Variants in MET observed in about 807,000 individuals in gnomAD.
The protein encoded by MET is hepatocyte growth factor receptor.
In MET, 48 loss-of-function variants were observed where a neutral mutation model predicts 133.1. The ratio of observed to expected loss-of-function variants is 0.36; its 90% CI spans 0.29 to 0.46. MET has a LOEUF of 0.46. Among genes scored for constraint, MET ranks in the 20% least tolerant of loss-of-function variants. The pLI is 1.00. For synonymous variants in MET, 628 were observed against 616.5 expected (o/e 1.02, Z -0.28); for missense variants, 1,442 against 1,695.9 (o/e 0.85, Z 2.63).
Position 116,769,778 on chromosome 7 carries a change from A to G in MET, c.2717A>G (p.Glu906Gly), listed in dbSNP as rs2116984545. Residue 906 changes from glutamate to glycine, a missense_variant, in exon 12 of 21, where the codon GAG becomes GGG. Physicochemically the swap from Glu to Gly is moderately conservative, Grantham distance 98 (BLOSUM62 -2). Transcript: ENST00000397752. ...AATGACCTGCTGAAATTGAACAGCG[A>G]GCTAAATATAGAGGTGGGATTCCTG... ...VPNDLLKLNS[E>G]LNIEWKQAIS... is the part of the protein sequence containing the mutation. 1 of 1,613,850 alleles carries G rather than the reference A, an allele frequency of 6.2e-7. No individual in the cohort carries two copies. Among genetic ancestry groups the G allele is most frequent in the Non-Finnish European group, 8.5e-7 (1 of 1,179,812 alleles).
chr7:116,758,547 C>T lies in MET; in HGVS notation c.2191C>T (p.Arg731Ter), dbSNP rs377336878. 6 of 1,613,716 alleles carry T rather than the reference C, an allele frequency of 3.7e-6. No individual in the cohort carries two copies. The highest frequency in any genetic ancestry group is 4.2e-6 in the Non-Finnish European group (5 of 1,179,848). Residue 731 changes from arginine (R) to a stop codon, truncating the protein, a stop_gained, in exon 9 of 21, where the codon CGA becomes TGA. Transcript: ENST00000397752. LOFTEE classifies it high-confidence loss of function. ...AVKLKIDLAN[R>*]ETSIFSYRED... Reference sequence around the variant, plus strand: ...TAAATTGAAAATTGACTTAGCCAACCGAGAGACAAGCATCTTCAGTTACCG... The same window carrying T: ...TAAATTGAAAATTGACTTAGCCAACTGAGAGACAAGCATCTTCAGTTACCG...
At chr7:116,745,195 T>C (rs1793620313) in intron 5 of MET, among the ~76,000 whole-genome samples, 1 of 152,112 alleles carries the variant, frequency 6.6e-6, no homozygotes, top group South Asian at 2.1e-4. Flanking sequence ...TCAAAGAGAA[T>C]AAAATACCTA....
intron 19 of MET, among the ~76,000 whole-genome samples, chr7:116,791,838 T>C (rs967690264): frequency 1.3e-5 from 2 of 152,108 alleles, no homozygotes; most frequent in Non-Finnish European, 2.9e-5. Context: ...CTAATTTTTG[T>C]ATTTTTAGTA....
At chr7:116,726,643 T>A (rs1792799755) in intron 2 of MET, among the ~76,000 whole-genome samples, 1 of 151,962 alleles carries the variant, frequency 6.6e-6, no homozygotes, top group South Asian at 2.1e-4. Context: ...ACCCAAGAAA[T>A]GGGAGGGTCT....
At chr7:116,709,895 T>G (rs1303216504) in intron 2 of MET, among the ~76,000 whole-genome samples, 1 of 152,142 alleles carries the variant, frequency 6.6e-6, no homozygotes, top group African/African-American at 2.4e-5. Context: ...GAGGTCAAAT[T>G]AGGTGATCCT....
At chr7:116,751,062 C>G (rs1215621530) in intron 5 of MET, among the ~76,000 whole-genome samples, 1 of 152,070 alleles carries the variant, frequency 6.6e-6, no homozygotes, top group East Asian at 1.9e-4. Context: ...CCCAGCAATC[C>G]CATTACTGGG....
chr7:116,674,149 TC>T (rs1337720615), intron 1 of MET, among the ~76,000 whole-genome samples: 1 of 152,220 alleles, frequency 6.6e-6, no homozygotes, highest in Non-Finnish European at 1.5e-5. Flanking sequence ...TACTGCTTTT[TC>T]AAAATTGCTT....
intron 2 of MET, among the ~76,000 whole-genome samples, chr7:116,731,268 TATA>T (rs1792992643): frequency 6.6e-6 from 1 of 152,204 alleles, no homozygotes; most frequent in South Asian, 2.1e-4. Flanking sequence ...CATTTAAAAA[TATA>T]ATGTCAGAAC....
At chr7:116,726,843 C>T (rs1792811065) in intron 2 of MET, among the ~76,000 whole-genome samples, 1 of 152,186 alleles carries the variant, frequency 6.6e-6, no homozygotes, top group African/African-American at 2.4e-5. Context: ...GAGACTGCTT[C>T]AAGGCAGAAG....
At chr7:116,683,748 G>A (rs1045739680) in intron 1 of MET, among the ~76,000 whole-genome samples, 10 of 152,176 alleles carry the variant, frequency 6.6e-5, no homozygotes, top group South Asian at 4.2e-4. Flanking sequence ...CTTTTGACCC[G>A]TCTGTAGAAT....
intron 3 of MET, among the ~76,000 whole-genome samples, chr7:116,733,130 C>T (rs538165357): frequency 1.3e-5 from 2 of 151,996 alleles, no homozygotes; most frequent in Admixed American, 1.3e-4. Context: ...AAGCCCCGCC[C>T]CTCCCACAGA....
intron 2 of MET, chr7:116,724,641 C>G (rs530589866): frequency 2.3e-6 from 1 of 438,946 alleles, no homozygotes; most frequent in South Asian, 1.7e-5. Context: ...TTTGTTCTGA[C>G]AGCAGACTGA....
At chr7:116,786,973 G>T (rs1170534401) in intron 19 of MET, among the ~76,000 whole-genome samples, 1 of 152,176 alleles carries the variant, frequency 6.6e-6, no homozygotes, top group African/African-American at 2.4e-5. Context: ...TCAACTGAAA[G>T]CTGAGTTTCA....
intron 11 of MET, among the ~76,000 whole-genome samples, chr7:116,766,855 G>A (rs987720467): frequency 2.0e-5 from 3 of 152,110 alleles, no homozygotes; most frequent in Non-Finnish European, 2.9e-5. Flanking sequence ...AGCCAGCAAA[G>A]CCACCAGTTT....
intron 4 of MET, 33 bp downstream of exon 4, chr7:116,740,117 G>T: frequency 6.2e-7 from 1 of 1,613,396 alleles, no homozygotes; most frequent in Non-Finnish European, 8.5e-7. Flanking sequence ...TTCCATAGAC[G>T]TGGTTTTTCC....
intron 10 of MET, among the ~76,000 whole-genome samples, chr7:116,760,205 G>T (rs571519188): frequency 6.6e-6 from 1 of 152,266 alleles, no homozygotes; most frequent in East Asian, 1.9e-4. Context: ...TGCTGATCTT[G>T]CAGCAGTATT....
At chr7:116,703,167 C>A (rs999468563) in intron 2 of MET, among the ~76,000 whole-genome samples, 1 of 152,142 alleles carries the variant, frequency 6.6e-6, no homozygotes, top group South Asian at 2.1e-4. Flanking sequence ...TTATCCCAAG[C>A]CACAAATGCC....
intron 2 of MET, among the ~76,000 whole-genome samples, chr7:116,722,153 A>C (rs1036005283): frequency 2.0e-5 from 3 of 151,780 alleles, no homozygotes; most frequent in Non-Finnish European, 4.4e-5. Flanking sequence ...GACTTGCTTT[A>C]TGAATCTGGG....
chr7:116,758,396 A>G (rs1794269055), intron 8 of MET, 63 bp from the exon 9 acceptor site: 3 of 1,512,782 alleles, frequency 2.0e-6, no homozygotes, highest in East Asian at 2.3e-5. Flanking sequence ...ATTTGTGGAT[A>G]TAATTCTAAA....
Sources: allele counts gnomAD v4.1 joint callset (sites outside exome capture counted in the v4.1 genomes callset), GRCh38; gene constraint gnomAD v4.1.1; transcripts MANE v1.5; gene names NCBI Gene and HGNC (gene_info 2026-07-23, HGNC 2026-07-21).